Variants in PTPRN2 observed in about 807,000 individuals in gnomAD.
PTPRN2 encodes the protein protein tyrosine phosphatase receptor type N2.
A neutral mutation model predicts 118.8 loss-of-function variants in PTPRN2; 74 were observed. That is an observed-to-expected ratio of 0.62 (90% confidence interval 0.52 to 0.76). The LOEUF is 0.76. Ranked by LOEUF, PTPRN2 falls within the 30% of genes least tolerant of loss-of-function variation. The probability of loss-of-function intolerance (pLI) is 0.00; values close to 1 mark genes in which losing one functional copy is unlikely to be tolerated. For synonymous variants in PTPRN2, 641 were observed against 608.0 expected (o/e 1.05, Z -0.80); for missense variants, 1,481 against 1,394.4 (o/e 1.06, Z -0.99).
Position 157,682,872 on chromosome 7 carries a change from G to T in PTPRN2, c.1854C>A (p.Leu618=), listed in dbSNP as rs1351753163. 1 of 1,613,954 alleles carries T rather than the reference G, an allele frequency of 6.2e-7. No individual in the cohort carries two copies. The highest frequency in any genetic ancestry group is 8.5e-7 in the Non-Finnish European group (1 of 1,179,990). The part of the protein sequence containing the change: ...EQEDSTKFIA[L]TLVSLACILG... ...GGATGCAGGCGAGGGAGACCAGGGTGAGCGCGATGAACTTGGTGGAGTCTT... is the reference window on the plus strand; with the variant it reads ...GGATGCAGGCGAGGGAGACCAGGGTTAGCGCGATGAACTTGGTGGAGTCTT... Residue 618 remains leucine, a synonymous_variant, in exon 13 of 23, where the codon CTC becomes CTA. Transcript: ENST00000389418.
chr7:158,064,120 G>A lies in PTPRN2; in HGVS notation c.1723+17178C>T, dbSNP rs370877951. ...GCCTGTGCCTGCTGCTAGAGGCGAC[G>A]AGGTCTCAGCCTCTAAGTACAAACC... On this transcript the variant is annotated intron_variant, in intron 11 of 22. Coordinates refer to ENST00000389418, the MANE Select transcript of PTPRN2 (RefSeq NM_002847.5). 2.6e-4 allele frequency among the ~76,000 whole-genome samples: 39 copies of A among 152,344 alleles called. 1 individual carries two copies. The East Asian group carries it at 7.3e-3, about 29-fold the overall frequency.
chr7:158,363,735 G>A (rs1809195712), intron 2 of PTPRN2, among the ~76,000 whole-genome samples: 1 of 152,200 alleles, frequency 6.6e-6, no homozygotes, highest in Non-Finnish European at 1.5e-5. Flanking sequence ...GAGAGGTCGG[G>A]AGGGGGCGGG....
At chr7:158,149,065 CGT>C (rs1820578695) in intron 6 of PTPRN2, among the ~76,000 whole-genome samples, 2 of 139,872 alleles carry the variant, frequency 1.4e-5, no homozygotes, top group Non-Finnish European at 1.6e-5. Context: ...TCTCATGCCA[CGT>C]GTCATTCCCC....
chr7:158,171,044 C>A (rs1423156548), intron 5 of PTPRN2, among the ~76,000 whole-genome samples: 2 of 111,370 alleles, frequency 1.8e-5, no homozygotes, highest in Admixed American at 1.8e-4. Flanking sequence ...TATACACATA[C>A]ATATATATAC....
At chr7:158,161,382 C>A (rs186215935) in intron 6 of PTPRN2, among the ~76,000 whole-genome samples, 213 of 152,276 alleles carry the variant, frequency 1.4e-3, no homozygotes, top group Non-Finnish European at 2.6e-3. Flanking sequence ...GGGTTGATGA[C>A]ACAGACAAAC....
chr7:157,756,958 T>G (rs1038058144), intron 12 of PTPRN2, among the ~76,000 whole-genome samples: 8 of 152,144 alleles, frequency 5.3e-5, no homozygotes, highest in Non-Finnish European at 8.8e-5. Flanking sequence ...GGACGGAGCC[T>G]GGAACATGCA....
chr7:158,043,192 A>T (rs764707913), intron 11 of PTPRN2, among the ~76,000 whole-genome samples: 83 of 151,978 alleles, frequency 5.5e-4, no homozygotes, highest in Non-Finnish European at 1.1e-3. Flanking sequence ...GAAGAAAAAA[A>T]TACCAAAAAA....
chr7:158,136,154 G>C (rs114745486), intron 8 of PTPRN2, among the ~76,000 whole-genome samples: 1 of 152,186 alleles, frequency 6.6e-6, no homozygotes, highest in Non-Finnish European at 1.5e-5. Context: ...TGCGACTAAC[G>C]TGCCGCCGAC....
chr7:158,538,526 G>T (rs749515981), intron 1 of PTPRN2, among the ~76,000 whole-genome samples: 3 of 152,112 alleles, frequency 2.0e-5, no homozygotes, highest in Non-Finnish European at 4.4e-5. Context: ...TCTATAATGC[G>T]TGTGTGCCTC....
chr7:158,478,453 G>C (rs1319842403), intron 2 of PTPRN2, among the ~76,000 whole-genome samples: 1 of 152,206 alleles, frequency 6.6e-6, no homozygotes, highest in Non-Finnish European at 1.5e-5. Context: ...CGTCGGTAAC[G>C]AATGAGGAGG....
chr7:157,944,483 ATTC>A lies in PTPRN2; in HGVS notation c.1724-45749_1724-45747del, dbSNP rs1205645432. ...TTGTGAGAAAAGGATCTATTGGAAA[ATTC>A]TTCTTTTTAAAAAAGTTTCATGGAA... On this transcript the variant is annotated intron_variant, in intron 11 of 22. Transcript: ENST00000389418. This position sits in a 1 kb window ranked among gnomAD's most constrained non-coding sequence, Gnocchi z 4.3. Among the ~76,000 whole-genome samples, 2 of 152,252 alleles carry A rather than the reference ATTC, an allele frequency of 1.3e-5. No individual in the cohort carries two copies. Among genetic ancestry groups the A allele is most frequent in the Admixed American group, 6.5e-5 (1 of 15,288 alleles).
intron 10 of PTPRN2, among the ~76,000 whole-genome samples, chr7:158,109,881 G>A (rs1311067517): frequency 6.6e-6 from 1 of 151,870 alleles, no homozygotes; most frequent in African/African-American, 2.4e-5. Flanking sequence ...AGGGGACAGT[G>A]AGTGAATGAT....
intron 1 of PTPRN2, among the ~76,000 whole-genome samples, chr7:158,522,926 A>G (rs999608638): frequency 1.3e-5 from 2 of 152,206 alleles, no homozygotes; most frequent in African/African-American, 4.8e-5. Context: ...AGGGCAGCAA[A>G]GATCACCCAG....
rs115093150 is a variant in PTPRN2, at chr7:158,284,179, T to G, written c.277+32640A>C. ...GTGTCGTGCACAGGTGCAATCCAAG[T>G]GTGCACCGGACTCACAAGACTCAGT... On this transcript the variant is annotated intron_variant, in intron 3 of 22. Coordinates refer to ENST00000389418, the MANE Select transcript of PTPRN2 (RefSeq NM_002847.5). Among the ~76,000 whole-genome samples the G allele has an allele frequency of 9.1e-3, 1,379 of 152,316 alleles. 23 individuals carry two copies. The highest frequency in any genetic ancestry group is 0.032 in the African/African-American group (1,310 of 41,566).
chr7:157,812,865 C>T (rs1325476991), intron 12 of PTPRN2, among the ~76,000 whole-genome samples: 2 of 152,100 alleles, frequency 1.3e-5, no homozygotes, highest in East Asian at 3.8e-4. Context: ...TGGAAACCAG[C>T]GTTGTGCAAA....
intron 3 of PTPRN2, among the ~76,000 whole-genome samples, chr7:158,218,107 A>G (rs1828082274): frequency 1.3e-5 from 2 of 152,186 alleles, no homozygotes; most frequent in South Asian, 4.1e-4. Flanking sequence ...GTGAGATACT[A>G]TATAAGATGA....
chr7:158,339,958 C>A (rs201974144), intron 2 of PTPRN2, among the ~76,000 whole-genome samples: 17,324 of 80,988 alleles, frequency 0.21, 13 homozygotes, highest in Middle Eastern at 0.33. Flanking sequence ...AGACGTGACT[C>A]ACACCCACAC....
chr7:157,676,922 C>T lies in PTPRN2; in HGVS notation c.2001+5803G>A, dbSNP rs1248950104. On this transcript the variant is annotated intron_variant, in intron 13 of 22. Transcript: ENST00000389418. This position sits in a 1 kb window ranked among gnomAD's most constrained non-coding sequence, Gnocchi z 5.6. The stretch of plus-strand genomic sequence containing the variant: ...GGTTCTGGCAGAGAAATGTGTGAGG[C>T]GGACTGGTACACAACACAAGCCTAA... 6.6e-6 allele frequency among the ~76,000 whole-genome samples: 1 copy of T among 152,134 alleles called. No individual in the cohort carries two copies. Among genetic ancestry groups the T allele is most frequent in the East Asian group, 1.9e-4 (1 of 5,192 alleles).
intron 12 of PTPRN2, among the ~76,000 whole-genome samples, chr7:157,875,860 C>G (rs1342163163): frequency 6.7e-6 from 1 of 150,168 alleles, no homozygotes; most frequent in African/African-American, 2.4e-5. Flanking sequence ...AGGGCAGGCA[C>G]GGGGCTGCAG....
Sources: gnomAD v4.1 joint callset for allele counts (sites outside exome capture counted in the v4.1 genomes callset) on GRCh38, gnomAD v4.1.1 for gene constraint, Gnocchi (gnomAD v3.1) non-coding constraint, MANE v1.5 for transcripts, NCBI Gene and HGNC (gene_info 2026-07-23, HGNC 2026-07-21) for gene names.